Variants in GCNT2 observed in about 807,000 individuals in gnomAD.
The protein encoded by GCNT2 is N-acetyllactosaminide beta-1,6-N-acetylglucosaminyl-transferase.
Under a neutral mutation model 34.2 loss-of-function variants are expected in GCNT2, and 34 were observed. The ratio of observed to expected loss-of-function variants is 1.00; its 90% CI spans 0.76 to 1.32. The LOEUF (loss-of-function observed/expected upper bound fraction) is 1.32. GCNT2 is among the 40% of genes most tolerant of loss of function. GCNT2 has a pLI of 0.00. For missense variants in GCNT2, 584 were observed against 489.4 expected, an observed-to-expected ratio of 1.19 and a Z score of -1.82; for synonymous variants, 212 against 188.0, an observed-to-expected ratio of 1.13 and a Z score of -1.04.
intron 4 of GCNT2, among the ~76,000 whole-genome samples, chr6:10,621,950 C>T (rs1378146769): frequency 3.9e-5 from 6 of 152,020 alleles, no homozygotes; most frequent in East Asian, 1.9e-4. Context: ...TGTTCAGAGG[C>T]GAAAGCCATC....
intron 4 of GCNT2, among the ~76,000 whole-genome samples, chr6:10,624,504 G>A (rs1766179247): frequency 6.6e-6 from 1 of 152,100 alleles, no homozygotes; most frequent in African/African-American, 2.4e-5. Context: ...ATCTCCCACT[G>A]CATCCCTCCC....
chr6:10,547,410 C>A (rs1202176600), intron 3 of GCNT2, among the ~76,000 whole-genome samples: 1 of 152,166 alleles, frequency 6.6e-6, no homozygotes, highest in African/African-American at 2.4e-5. Context: ...TCTCTTTAGT[C>A]CCCTCCAGTT....
chr6:10,610,056 GAC>G (rs1765484009), intron 3 of GCNT2, among the ~76,000 whole-genome samples: 1 of 152,202 alleles, frequency 6.6e-6, no homozygotes, highest in African/African-American at 2.4e-5. Context: ...CAGACAGAGA[GAC>G]CCACTGGCAG....
rs73721329 is a variant in GCNT2 at position 10,626,179 on chromosome 6, C to T, written c.1019-238C>T. 0.064 allele frequency among the ~76,000 whole-genome samples: 9,774 copies of T among 152,096 alleles called. 601 individuals carry two copies. The highest frequency in any genetic ancestry group is 0.16 in the African/African-American group (6,799 of 41,448). On this transcript the variant is annotated intron_variant, in intron 4 of 4. Coordinates refer to ENST00000495262, the MANE Select transcript of GCNT2 (RefSeq NM_145649.5). Reference sequence around the variant, plus strand: ...ATAATTAAAATATTAACACCTGTTACTTTATGCCTTGTATGATTTAACTCT... The same window carrying T: ...ATAATTAAAATATTAACACCTGTTATTTTATGCCTTGTATGATTTAACTCT...
intron 3 of GCNT2, among the ~76,000 whole-genome samples, chr6:10,582,874 C>A (rs2127409554): frequency 6.6e-6 from 1 of 152,054 alleles, no homozygotes; most frequent in Middle Eastern, 3.4e-3. Context: ...CTTGCCAAAC[C>A]CTCAACAAGA....
chr6:10,618,284 T>C (rs1444356793), intron 3 of GCNT2, among the ~76,000 whole-genome samples: 3 of 152,242 alleles, frequency 2.0e-5, no homozygotes, highest in Non-Finnish European at 4.4e-5. Context: ...CATACGTGTT[T>C]GACACCTGTC....
At chr6:10,589,086 AGTGTGGTGTGT>A (rs1764502778) in intron 3 of GCNT2, among the ~76,000 whole-genome samples, 1 of 78,442 alleles carries the variant, frequency 1.3e-5, no homozygotes, top group East Asian at 4.1e-4. Context: ...GCGTGTTTGT[AGTGTGGTGTGT>A]GTGTAGTGTG....
chr6:10,568,640 T>G (rs1402519736), intron 3 of GCNT2, among the ~76,000 whole-genome samples: 1 of 152,222 alleles, frequency 6.6e-6, no homozygotes, highest in Non-Finnish European at 1.5e-5. Flanking sequence ...TTATTCAGTA[T>G]AGACATCTCA....
chr6:10,560,671 C>T (rs75064620), intron 3 of GCNT2, among the ~76,000 whole-genome samples: 1 of 151,808 alleles, frequency 6.6e-6, no homozygotes, highest in Admixed American at 6.6e-5. Context: ...AAAATCGGTT[C>T]GAATTGGCGA....
chr6:10,625,199 T>C (rs569991933), intron 4 of GCNT2, among the ~76,000 whole-genome samples: 8 of 152,338 alleles, frequency 5.3e-5, no homozygotes, highest in Admixed American at 4.6e-4. Context: ...ACATTAACTT[T>C]GAACAAGCTC....
chr6:10,526,839 G>A (rs1365631972), intron 1 of GCNT2, among the ~76,000 whole-genome samples: 1 of 152,164 alleles, frequency 6.6e-6, no homozygotes, highest in Non-Finnish European at 1.5e-5. Flanking sequence ...AAATGAGCCA[G>A]GTGCAGTGGC....
chr6:10,523,799 C>G (rs146450590), intron 1 of GCNT2, among the ~76,000 whole-genome samples: 1 of 151,752 alleles, frequency 6.6e-6, no homozygotes, highest in Admixed American at 6.6e-5. Flanking sequence ...GGTGAAACCC[C>G]GTCTCTATTA....
At chr6:10,623,263 G>T (rs1233356851) in intron 4 of GCNT2, among the ~76,000 whole-genome samples, 1 of 151,558 alleles carries the variant, frequency 6.6e-6, no homozygotes, top group Non-Finnish European at 1.5e-5. Context: ...ATTTTCTCCA[G>T]GGGACAGTGC....
In GCNT2 at chr6:10,529,159, A is replaced by T. The variant is rs980680532; in HGVS notation, c.248A>T (p.Tyr83Phe). ...TCYEYMVRSH[Y>F]VTETLSEEEA... Reference sequence around the variant, plus strand: ...TATGAGTACATGGTTCGAAGCCACTATGTAACAGAAACACTCTCTGAAGAA... The same window carrying T: ...TATGAGTACATGGTTCGAAGCCACTTTGTAACAGAAACACTCTCTGAAGAA... The change falls in exon 3 of 5, where the codon TAT becomes TTT. Residue 83 changes from tyrosine to phenylalanine, a missense_variant. Coordinates refer to ENST00000495262, the MANE Select transcript of GCNT2 (RefSeq NM_145649.5). The T allele has an allele frequency of 6.2e-7, 1 of 1,614,024 alleles. No homozygotes were observed. The highest frequency in any genetic ancestry group is 1.7e-5 in the Admixed American group (1 of 59,986).
intron 3 of GCNT2, among the ~76,000 whole-genome samples, chr6:10,536,530 A>T (rs1233071655): frequency 6.7e-6 from 1 of 148,918 alleles, no homozygotes; most frequent in South Asian, 2.1e-4. Flanking sequence ...AATTTTTTGT[A>T]TATTTAGTAG....
Position 10,529,122 on chromosome 6 carries a change from G to C in GCNT2, c.211G>C (p.Glu71Gln). ...AAATGCATTGAAAACTACCCTTGAT[G>C]AAGCTACCTGCTATGAGTACATGGT... ...TENALKTTLDEATCYEYMVRS... is the reference protein window; with the variant it reads ...TENALKTTLDQATCYEYMVRS... The change falls in exon 3 of 5, where the codon GAA (glutamate) becomes CAA (glutamine). Residue 71 changes from glutamate (E) to glutamine (Q), a missense_variant. Transcript: ENST00000495262. 1.2e-6 allele frequency: 2 copies of C among 1,614,094 alleles called. No homozygotes were observed. The highest frequency in any genetic ancestry group is 1.7e-6 in the Non-Finnish European group (2 of 1,179,972).
In GCNT2 at chr6:10,573,038, G is replaced by T. The variant is rs492343; in HGVS notation, c.925+43202G>T. The T allele has an allele frequency of 3.4e-3, 830 of 242,912 alleles. 7 individuals carry two copies. Among genetic ancestry groups the T allele is most frequent in the African/African-American group, 0.018 (798 of 43,222 alleles). The allele number at this position is 242,912 out of a possible 1,614,324, so 15.0% of individuals were successfully genotyped here. A position where few individuals can be genotyped will look rare whatever the true frequency, so the allele number is the denominator to read the frequency against. On this transcript the variant is annotated intron_variant, in intron 3 of 4. Coordinates refer to ENST00000495262, the MANE Select transcript of GCNT2 (RefSeq NM_145649.5). ...AGTGGATTGAATAAACTGAAAATGA[G>T]TCCAGAATTTAATAAGGCTATTAAA... is the stretch of plus-strand genomic sequence containing the variant.
At chr6:10,541,385 TACG>T (rs1324250119) in intron 3 of GCNT2, among the ~76,000 whole-genome samples, 1 of 152,260 alleles carries the variant, frequency 6.6e-6, no homozygotes, top group Non-Finnish European at 1.5e-5. Flanking sequence ...GGCGTATATA[TACG>T]ACATTTTCTT....
chr6:10,621,214 G>A, intron 3 of GCNT2, 137 bp from the exon 4 acceptor site: 1 of 700,742 alleles, frequency 1.4e-6, no homozygotes, highest in South Asian at 1.5e-5. Context: ...GGGTAGATCA[G>A]TACATACCAA....
Sources: gnomAD v4.1 joint callset for allele counts (sites outside exome capture counted in the v4.1 genomes callset) on GRCh38, gnomAD v4.1.1 for gene constraint, MANE v1.5 for transcripts, NCBI Gene and HGNC (gene_info 2026-07-23, HGNC 2026-07-21) for gene names.